The following PARN variants were observed in gnomAD, a reference collection of about 807,000 sequenced individuals.
The protein encoded by PARN is poly(A)-specific ribonuclease PARN.
A neutral mutation model predicts 102.8 loss-of-function variants in PARN; 71 were observed. That is an observed-to-expected ratio of 0.69 (90% CI 0.57 to 0.84). The LOEUF is 0.84. Ranked by LOEUF, PARN falls within the 40% of genes least tolerant of loss-of-function variation. PARN has a pLI of 0.00. For synonymous variants in PARN, 261 were observed against 252.9 expected (o/e 1.03, Z -0.30); for missense variants, 782 against 760.9 (o/e 1.03, Z -0.33).
chr16:14,618,564 G>A (rs116099330), intron 5 of PARN, among the ~76,000 whole-genome samples: 6,150 of 151,414 alleles, frequency 0.041, 141 homozygotes, highest in African/African-American at 0.05. Context: ...AGGAGGCTGA[G>A]GCAGGAAAAT....
At chr16:14,603,393 A>G (rs1039288801) in intron 11 of PARN, among the ~76,000 whole-genome samples, 2 of 152,126 alleles carry the variant, frequency 1.3e-5, no homozygotes, top group African/African-American at 2.4e-5. Context: ...TGTACATATG[A>G]GCATGACATT....
intron 21 of PARN, among the ~76,000 whole-genome samples, chr16:14,515,948 T>G (rs1965435836): frequency 6.6e-6 from 1 of 151,908 alleles, no homozygotes; most frequent in South Asian, 2.1e-4. Context: ...TAAAAATAAA[T>G]AAGTAAATTG....
chr16:14,618,632 C>T (rs1235474907), intron 5 of PARN, among the ~76,000 whole-genome samples: 1 of 150,258 alleles, frequency 6.7e-6, no homozygotes, highest in Non-Finnish European at 1.5e-5. Context: ...GCACTCCAGC[C>T]CAGGCGAGAG....
intron 11 of PARN, among the ~76,000 whole-genome samples, chr16:14,600,540 G>A (rs1970809532): frequency 1.3e-5 from 2 of 151,918 alleles, no homozygotes; most frequent in South Asian, 2.1e-4. Context: ...CCTTCTACTT[G>A]TCTCATCAAA....
chr16:14,599,954 G>C lies in PARN; in HGVS notation c.790C>G (p.Leu264Val), dbSNP rs767707550. ...QQKHAKEQEE[L>V]NDAVGFSRVI... ...CTAGAAAATCCCACAGCATCATTCA[G>C]CTCCTCCTAATTAAAAAAATATATA... is the stretch of plus-strand genomic sequence containing the variant. The change falls in exon 12 of 24, where the codon CTG (leucine) becomes GTG (valine). Residue 264 changes from leucine (L) to valine (V), a missense_variant. Physicochemically the swap from Leu to Val is conservative, Grantham distance 32. Coordinates refer to ENST00000437198, the MANE Select transcript of PARN (RefSeq NM_002582.4). 8 of 1,582,090 alleles carry C rather than the reference G, an allele frequency of 5.1e-6. No individual in the cohort carries two copies. The highest frequency in any genetic ancestry group is 6.9e-6 in the Non-Finnish European group (8 of 1,158,098).
chr16:14,612,109 T>C (rs1596861799), intron 6 of PARN, among the ~76,000 whole-genome samples: 1 of 152,022 alleles, frequency 6.6e-6, no homozygotes, highest in African/African-American at 2.4e-5. Flanking sequence ...ACTGATATCC[T>C]GGAGATGAAG....
intron 22 of PARN, among the ~76,000 whole-genome samples, chr16:14,457,798 A>C (rs1411491489): frequency 3.7e-5 from 2 of 54,376 alleles, no homozygotes; most frequent in African/African-American, 1.1e-4. Context: ...ACTCTGTCTC[A>C]AAAAAAAAAA....
At chr16:14,621,922 G>C (rs900593291) in intron 5 of PARN, among the ~76,000 whole-genome samples, 6 of 152,204 alleles carry the variant, frequency 3.9e-5, no homozygotes, top group African/African-American at 1.4e-4. Context: ...GCTGGGAGCA[G>C]TGTCTCACGC....
At chr16:14,529,556 C>G (rs1417279579) in intron 21 of PARN, among the ~76,000 whole-genome samples, 1 of 152,136 alleles carries the variant, frequency 6.6e-6, no homozygotes, top group Non-Finnish European at 1.5e-5. Context: ...CCCACTGCGC[C>G]CTATGAAAGA....
At chr16:14,583,105 G>A (rs947473332) in intron 16 of PARN, among the ~76,000 whole-genome samples, 1 of 152,136 alleles carries the variant, frequency 6.6e-6, no homozygotes, top group African/African-American at 2.4e-5. Context: ...CCACTTTACA[G>A]CAAAGACCGC....
chr16:14,591,234 C>CA (rs1970175716), intron 13 of PARN, among the ~76,000 whole-genome samples: 1 of 151,298 alleles, frequency 6.6e-6, no homozygotes, highest in Admixed American at 6.6e-5. Context: ...ACTAAAAATA[C>CA]AAAAAAATTA....
chr16:14,540,499 C>A (rs562936369), intron 21 of PARN, among the ~76,000 whole-genome samples: 35 of 152,048 alleles, frequency 2.3e-4, no homozygotes, highest in Non-Finnish European at 4.0e-4. Flanking sequence ...ATATATATAT[C>A]TGAAAGGAAA....
chr16:14,459,032 TA>T (rs34664376), intron 22 of PARN, among the ~76,000 whole-genome samples: 23,821 of 151,950 alleles, frequency 0.16, 1,922 homozygotes, highest in East Asian at 0.22. Flanking sequence ...CATCAATCTC[TA>T]AAAAAAACTG....
At chr16:14,588,417 G>C (rs375552945) in intron 13 of PARN, among the ~76,000 whole-genome samples, 4 of 152,100 alleles carry the variant, frequency 2.6e-5, no homozygotes, top group South Asian at 2.1e-4. Flanking sequence ...TGACAGGAAC[G>C]GAGCCATACA....
At chr16:14,444,983 A>ATTTT (rs564058919) in intron 23 of PARN, among the ~76,000 whole-genome samples, 302 of 117,838 alleles carry the variant, frequency 2.6e-3, no homozygotes, top group East Asian at 3.0e-3. Flanking sequence ...TAATATTTAA[A>ATTTT]TTTTTTTTTT....
intron 22 of PARN, among the ~76,000 whole-genome samples, chr16:14,469,181 T>C (rs984297898): frequency 6.6e-6 from 1 of 151,858 alleles, no homozygotes; most frequent in Non-Finnish European, 1.5e-5. Context: ...CCTATAATCC[T>C]AGCTACTTGG....
intron 21 of PARN, among the ~76,000 whole-genome samples, chr16:14,506,440 T>G (rs940273548): frequency 2.0e-5 from 3 of 152,196 alleles, no homozygotes; most frequent in Non-Finnish European, 4.4e-5. Context: ...AGTGTTAAAT[T>G]TCCTGAGTGT....
At chr16:14,507,582 G>A (rs980817641) in intron 21 of PARN, among the ~76,000 whole-genome samples, 2 of 151,938 alleles carry the variant, frequency 1.3e-5, no homozygotes, top group African/African-American at 2.4e-5. Context: ...CCAGCTACTC[G>A]GGAGGCTGAG....
At position 14,446,407 on chromosome 16, in the gene PARN, C is replaced by T. The variant is rs543334495; in HGVS notation, c.1864+481G>A. Among the ~76,000 whole-genome samples, 27 of 152,310 alleles carry T rather than the reference C, an allele frequency of 1.8e-4. No homozygotes were observed. In the South Asian group the frequency reaches 2.7e-3, roughly 15 times the overall value. ...AGGAGAGAAATGGCTCCTACTACAG[C>T]GTCTAGCATGTAGTAGGCTCTCAAC... On this transcript the variant is annotated intron_variant, in intron 23 of 23. Coordinates refer to ENST00000437198, the MANE Select transcript of PARN (RefSeq NM_002582.4).
Sources: allele counts gnomAD v4.1 joint callset (sites outside exome capture counted in the v4.1 genomes callset), GRCh38; gene constraint gnomAD v4.1.1; transcripts MANE v1.5; gene names NCBI Gene and HGNC (gene_info 2026-07-23, HGNC 2026-07-21).